The following MICAL2 variants were observed in gnomAD, a reference collection of about 807,000 sequenced individuals.
The protein encoded by MICAL2 is [F-actin]-monooxygenase MICAL2.
In MICAL2, 77 loss-of-function variants were observed where a neutral mutation model predicts 127.3. That is an observed-to-expected ratio of 0.60 (90% confidence interval 0.50 to 0.73). MICAL2 has a LOEUF of 0.73. MICAL2 is among the 30% of genes least tolerant of loss of function. MICAL2 has a pLI of 0.00. For missense variants in MICAL2, 1,351 were observed against 1,434.4 expected, an observed-to-expected ratio of 0.94 and a Z score of 0.94; for synonymous variants, 570 against 551.1, an observed-to-expected ratio of 1.03 and a Z score of -0.48.
intron 1 of MICAL2, among the ~76,000 whole-genome samples, chr11:12,277,203 T>C (rs1046059913): frequency 1.3e-5 from 2 of 152,040 alleles, no homozygotes; most frequent in African/African-American, 2.4e-5. Flanking sequence ...CAGAGGGCTA[T>C]TGGGCCGTGG....
chr11:12,279,882 G>A (rs1301554935), intron 1 of MICAL2, among the ~76,000 whole-genome samples: 1 of 152,358 alleles, frequency 6.6e-6, no homozygotes, highest in Middle Eastern at 3.4e-3. Flanking sequence ...TGACCAGCCA[G>A]GCTTGGGCAC....
chr11:12,226,115 T>C, intron 13 of MICAL2, 56 bp from the exon 14 acceptor site: 1 of 1,572,724 alleles, frequency 6.4e-7, no homozygotes, highest in South Asian at 1.1e-5. Context: ...GGTGCTCAGC[T>C]CGCCACACCT....
intron 3 of MICAL2, among the ~76,000 whole-genome samples, chr11:12,187,112 G>A (rs972335486): frequency 1.3e-5 from 2 of 152,102 alleles, no homozygotes; most frequent in Non-Finnish European, 2.9e-5. Context: ...CCCCGTGTGG[G>A]GCTCTGCCTC....
At chr11:12,236,111 G>T in intron 15 of MICAL2, 66 bp from the exon 16 acceptor site, 1 of 1,398,650 alleles carries the variant, frequency 7.1e-7, no homozygotes, top group African/African-American at 1.4e-5. Context: ...ATGCCCTCAG[G>T]GATCTTAGTG....
chr11:12,333,731 A>G (rs1250389084), intron 32 of MICAL2, among the ~76,000 whole-genome samples: 2 of 152,220 alleles, frequency 1.3e-5, no homozygotes, highest in Admixed American at 1.3e-4. Context: ...ATATCTCAGC[A>G]TGAAACACCT....
Position 12,241,253 on chromosome 11 carries a change from A to T in MICAL2, c.2337+91A>T, listed in dbSNP as rs114168409. On this transcript the variant is annotated intron_variant, in intron 18 of 27. Transcript: ENST00000683283. ...GGTCAGTGGCTCTTCCCACACCCCAAGTAGGGCTGATTGTAGATTTTCTGG... is the reference window on the plus strand; with the variant it reads ...GGTCAGTGGCTCTTCCCACACCCCATGTAGGGCTGATTGTAGATTTTCTGG... 1,408 of 1,469,786 alleles carry T rather than the reference A, an allele frequency of 9.6e-4. 15 individuals are homozygous for T. The African/African-American group carries it at 0.018, about 19-fold the overall frequency. 91.0% of individuals were successfully genotyped at this position (1,469,786 alleles called of 1,614,324 possible).
chr11:12,113,231 G>A (rs770679572), intron 1 of MICAL2, among the ~76,000 whole-genome samples: 2 of 152,114 alleles, frequency 1.3e-5, no homozygotes, highest in African/African-American at 2.4e-5. Flanking sequence ...CATTTTACAG[G>A]TGAGGAAGCT....
At chr11:12,352,586 T>C (rs1939068848) in intron 33 of MICAL2, among the ~76,000 whole-genome samples, 1 of 151,156 alleles carries the variant, frequency 6.6e-6, no homozygotes, top group Non-Finnish European at 1.5e-5. Flanking sequence ...GGAGCTCTGC[T>C]AAAGCATGGG....
intron 15 of MICAL2, among the ~76,000 whole-genome samples, chr11:12,228,556 A>C (rs1857784919): frequency 6.6e-6 from 1 of 152,178 alleles, no homozygotes; most frequent in Admixed American, 6.5e-5. Context: ...AGATAGGGAG[A>C]AAACTGAGAA....
At chr11:12,151,101 A>C (rs936518969) in intron 2 of MICAL2, among the ~76,000 whole-genome samples, 2 of 152,036 alleles carry the variant, frequency 1.3e-5, no homozygotes, top group African/African-American at 4.8e-5. Context: ...GCTTCCAGGG[A>C]CTCAAGAGCT....
intron 6 of MICAL2, among the ~76,000 whole-genome samples, chr11:12,212,904 A>T (rs780259087): frequency 7.2e-5 from 11 of 152,244 alleles, no homozygotes; most frequent in Non-Finnish European, 1.3e-4. Context: ...AGTAGTTTTC[A>T]TCCTATAAAT....
chr11:12,239,729 C>G (rs1859600609), intron 17 of MICAL2, 144 bp downstream of exon 17: 1 of 983,384 alleles, frequency 1.0e-6, no homozygotes, highest in African/African-American at 1.6e-5. Context: ...AGTCAACAGA[C>G]TTTTCTATAA....
At chr11:12,148,018 C>A (rs58910113) in intron 2 of MICAL2, among the ~76,000 whole-genome samples, 7,876 of 152,154 alleles carry the variant, frequency 0.052, 565 homozygotes, top group African/African-American at 0.16. Flanking sequence ...TGGAGGGCTT[C>A]TGAACCTGAA....
chr11:12,349,257 T>G lies in MICAL2; in HGVS notation c.5516-581T>G, dbSNP rs184457245. ...TCATAATCTAAGTAATAAGAATATA[T>G]GGATATAACTTTTCCCCCATGAGAC... On this transcript the variant is annotated intron_variant, in intron 32 of 34. Coordinates refer to the MICAL2 transcript ENST00000646065. 2.0e-3 allele frequency among the ~76,000 whole-genome samples: 303 copies of G among 152,338 alleles called. 1 individual carries two copies. The highest frequency in any genetic ancestry group is 6.8e-3 in the African/African-American group (282 of 41,566).
chr11:12,213,567 A>G (rs1171847202), intron 7 of MICAL2, among the ~76,000 whole-genome samples, 157 bp downstream of exon 7: 3 of 152,216 alleles, frequency 2.0e-5, no homozygotes, highest in Admixed American at 6.5e-5. Context: ...GTGAATACAG[A>G]CAGGATTCCT....
chr11:12,241,165 AG>A lies in MICAL2; in HGVS notation c.2337+6del. The A allele has an allele frequency of 1.2e-6, 2 of 1,612,916 alleles. No homozygotes were observed. Among genetic ancestry groups the A allele is most frequent in the Non-Finnish European group, 1.7e-6 (2 of 1,179,396 alleles). ...CATCACCTCCTCTGAAAAGGCAGGT[AG>A]GGCTCCTTCCAGTGGATGCTGTTTT... On this transcript the variant is annotated splice_donor_region_variant and intron_variant, in intron 18 of 27. Transcript: ENST00000683283.
At chr11:12,112,087 G>A (rs764839519) in intron 1 of MICAL2, among the ~76,000 whole-genome samples, 2 of 152,172 alleles carry the variant, frequency 1.3e-5, no homozygotes, top group Non-Finnish European at 2.9e-5. Context: ...GGGGAAAGAG[G>A]CTCAGGTATG....
chr11:12,338,522 G>A (rs7941094), intron 32 of MICAL2, among the ~76,000 whole-genome samples: 27,954 of 152,132 alleles, frequency 0.18, 2,929 homozygotes, highest in East Asian at 0.45. Flanking sequence ...TATTTTGCTC[G>A]TTAGTTGATG....
intron 21 of MICAL2, 71 bp from the exon 22 acceptor site, chr11:12,249,113 C>T (rs1229354447): frequency 2.5e-6 from 4 of 1,599,484 alleles, no homozygotes; most frequent in Non-Finnish European, 3.4e-6. Flanking sequence ...GCTTCTCTTT[C>T]CCCAGTGGAA....
Sources: allele counts gnomAD v4.1 joint callset (sites outside exome capture counted in the v4.1 genomes callset), GRCh38; gene constraint gnomAD v4.1.1; transcripts MANE v1.5; gene names NCBI Gene and HGNC (gene_info 2026-07-23, HGNC 2026-07-21).